The following SDK2 variants were observed in gnomAD, a reference collection of about 807,000 sequenced individuals.
SDK2 encodes the protein protein sidekick-2.
Under a neutral mutation model 253.9 loss-of-function variants are expected in SDK2, and 105 were observed. The observed-to-expected ratio is 0.41, with a 90% CI of 0.35 to 0.49. SDK2 has a LOEUF of 0.49. SDK2 is among the 20% of genes least tolerant of loss of function. The probability of loss-of-function intolerance (pLI) is 0.06; values close to 1 mark genes in which losing one functional copy is unlikely to be tolerated. For synonymous variants in SDK2, 1,249 were observed against 1,234.9 expected (o/e 1.01, Z -0.24); for missense variants, 2,608 against 3,003.0 (o/e 0.87, Z 3.07).
intron 1 of SDK2, among the ~76,000 whole-genome samples, chr17:73,522,045 G>A (rs948912669): frequency 1.3e-5 from 2 of 152,226 alleles, no homozygotes; most frequent in African/African-American, 2.4e-5. Flanking sequence ...CTGAGGCTTG[G>A]AGAGTTGAGT....
intron 1 of SDK2, among the ~76,000 whole-genome samples, chr17:73,634,925 G>C (rs2046311786): frequency 6.6e-6 from 1 of 151,984 alleles, no homozygotes; most frequent in African/African-American, 2.4e-5. Context: ...CTCATCCAAG[G>C]TCACCCAGGC....
In SDK2 at chr17:73,459,690, G is replaced by A. The variant is rs541712671; in HGVS notation, c.332-3637C>T. Among the ~76,000 whole-genome samples, 311 of 152,028 alleles carry A rather than the reference G, an allele frequency of 2.0e-3. 2 individuals are homozygous for A. The highest frequency in any genetic ancestry group is 7.2e-3 in the African/African-American group (300 of 41,424). On this transcript the variant is annotated intron_variant, in intron 3 of 44. Coordinates refer to ENST00000392650, the MANE Select transcript of SDK2 (RefSeq NM_001144952.2). ...CATTACTCATTAGCCATGATGCTGG[G>A]TAGATTTCTTTCTTTTTTTTTTTTG...
intron 36 of SDK2, among the ~76,000 whole-genome samples, chr17:73,368,855 C>CA (rs1340772107): frequency 2.0e-5 from 3 of 151,880 alleles, no homozygotes; most frequent in Non-Finnish European, 4.4e-5. Flanking sequence ...ACTGGAAATA[C>CA]AAAAAAATCA....
Position 73,431,934 on chromosome 17 carries a change from C to G in SDK2, c.1313-265G>C, listed in dbSNP as rs867969339. 2.0e-5 allele frequency among the ~76,000 whole-genome samples: 3 copies of G among 152,184 alleles called. No individual in the cohort carries two copies. The highest frequency in any genetic ancestry group is 7.2e-5 in the African/African-American group (3 of 41,456). On this transcript the variant is annotated intron_variant, in intron 10 of 44. Transcript: ENST00000392650. The surrounding 1 kb of genome is among the most constrained non-coding windows in gnomAD (Gnocchi z 5.6). ...CCTGATGCTCCTGTGCCCGCCACAC[C>G]ACGTGCCCTTCAACAGAGAAGGGGG...
At position 73,609,973 on chromosome 17, in the gene SDK2, C is replaced by T. The variant is rs931867392; in HGVS notation, c.64+34052G>A. Among the ~76,000 whole-genome samples, 8 of 152,328 alleles carry T rather than the reference C, an allele frequency of 5.3e-5. No individual in the cohort carries two copies. In the South Asian group the frequency reaches 6.2e-4, roughly 12 times the overall value. On this transcript the variant is annotated intron_variant, in intron 1 of 44. Coordinates refer to ENST00000392650, the MANE Select transcript of SDK2 (RefSeq NM_001144952.2). This position sits in a 1 kb window ranked among gnomAD's most constrained non-coding sequence, Gnocchi z 4.4. ...TGCGGAGCTCAGCCAGGCAGCTGCA[C>T]GGGAAACAGGTGTCCTGCTGAACAA...
chr17:73,413,125 C>T (rs930300311), intron 18 of SDK2, among the ~76,000 whole-genome samples: 8 of 152,140 alleles, frequency 5.3e-5, no homozygotes, highest in African/African-American at 1.7e-4. Flanking sequence ...TTCATCTGTA[C>T]TTACAGCTGC....
intron 1 of SDK2, among the ~76,000 whole-genome samples, chr17:73,606,900 T>G (rs943045728): frequency 3.3e-5 from 5 of 152,110 alleles, no homozygotes; most frequent in Non-Finnish European, 7.4e-5. Flanking sequence ...GTGGAGCAGC[T>G]CAGTCAATGA....
intron 37 of SDK2, 134 bp from the exon 38 acceptor site, chr17:73,365,529 G>T: frequency 1.1e-6 from 1 of 888,154 alleles, no homozygotes; most frequent in Non-Finnish European, 1.6e-6. Context: ...CGGCAGAAAG[G>T]GCGGGCAGGA....
At chr17:73,411,635 G>A (rs1046389778) in intron 18 of SDK2, among the ~76,000 whole-genome samples, 5 of 152,238 alleles carry the variant, frequency 3.3e-5, no homozygotes, top group African/African-American at 4.8e-5. Context: ...AGTCCTCCGT[G>A]GGGAGGACAG....
Position 73,383,970 on chromosome 17 carries a change from G to C in SDK2, c.4611C>G (p.Phe1537Leu). Residue 1537 changes from phenylalanine to leucine, a missense_variant, in exon 33 of 45, where the codon TTC becomes TTG. Around this residue, in one of 2 missense-constraint regions of SDK2, gnomAD observed 1,103 missense variants for 1,143.9 expected, o/e 0.96. Transcript: ENST00000392650. The surrounding 1 kb of genome is among the most constrained non-coding windows in gnomAD (Gnocchi z 4.3). ...EDKINGILLG[F>L]RIRYRELLYE... is the part of the protein sequence containing the mutation. ...AGAGCAGCTCCCGGTATCGGATCCG[G>C]AAGCCCAGGAGGATGCCATTGATCT... is the stretch of plus-strand genomic sequence containing the variant. 1 of 1,613,898 alleles carries C rather than the reference G, an allele frequency of 6.2e-7. No homozygotes were observed. The highest frequency in any genetic ancestry group is 8.5e-7 in the Non-Finnish European group (1 of 1,179,876).
intron 12 of SDK2, among the ~76,000 whole-genome samples, chr17:73,428,353 G>A (rs78834970): frequency 0.052 from 7,890 of 152,140 alleles, 301 homozygotes; most frequent in Middle Eastern, 0.085. Flanking sequence ...CGTGAGGCAC[G>A]GCGCCTGGCC....
intron 3 of SDK2, among the ~76,000 whole-genome samples, chr17:73,470,274 T>C (rs2063639407): frequency 6.6e-6 from 1 of 150,716 alleles, no homozygotes. Context: ...CAAGCACACA[T>C]GCATGCATGC....
chr17:73,470,140 A>G (rs2063637934), intron 3 of SDK2, among the ~76,000 whole-genome samples: 1 of 152,078 alleles, frequency 6.6e-6, no homozygotes, highest in African/African-American at 2.4e-5. Context: ...CACATACTCA[A>G]ATGCACACAC....
chr17:73,431,654 G>T lies in SDK2; in HGVS notation c.1328C>A (p.Ala443Asp), dbSNP rs1381259130. 1.2e-6 allele frequency: 2 copies of T among 1,609,728 alleles called. No individual in the cohort carries two copies. Among genetic ancestry groups the T allele is most frequent in the Non-Finnish European group, 1.7e-6 (2 of 1,177,988 alleles). Residue 443 changes from alanine (A) to aspartate (D), a missense_variant, in exon 11 of 45, where the codon GCC becomes GAC. By Grantham distance (126) the Ala-to-Asp change is moderately radical (BLOSUM62 -2). This residue lies in a region of SDK2 where 1,505 missense variants were observed against 1,859.1 expected (regional missense o/e 0.81). Coordinates refer to ENST00000392650, the MANE Select transcript of SDK2 (RefSeq NM_001144952.2). This position sits in a 1 kb window ranked among gnomAD's most constrained non-coding sequence, Gnocchi z 5.6. ...ITWQKGERIL[A>D]SGSVQLPRFT... ...GCGAGGCAGCTGCACAGAGCCACTG[G>T]CCAAGATGCGCTCCCCTGAGGGCAA...
At chr17:73,640,034 C>G (rs1434700645) in intron 1 of SDK2, among the ~76,000 whole-genome samples, 1 of 152,178 alleles carries the variant, frequency 6.6e-6, no homozygotes, top group Admixed American at 6.5e-5. Flanking sequence ...TCCTGTGGTA[C>G]AAAGTCAAAT....
At chr17:73,544,313 C>G (rs1016518611) in intron 1 of SDK2, among the ~76,000 whole-genome samples, 2 of 152,198 alleles carry the variant, frequency 1.3e-5, no homozygotes, top group African/African-American at 4.8e-5. Flanking sequence ...CCATGTTGTT[C>G]TCATAGTTCC....
chr17:73,426,079 C>G (rs922742969), intron 12 of SDK2, among the ~76,000 whole-genome samples: 6 of 151,820 alleles, frequency 4.0e-5, no homozygotes, highest in Non-Finnish European at 8.8e-5. Context: ...GAATCTCACT[C>G]TGTTGCCCAG....
At chr17:73,559,599 C>CA in intron 1 of SDK2, among the ~76,000 whole-genome samples, 1 of 64,068 alleles carries the variant, frequency 1.6e-5, no homozygotes, top group African/African-American at 7.0e-5. Context: ...GCTCCCTGTG[C>CA]CCCCCGCCCC....
In SDK2 at chr17:73,394,223, C is replaced by G; in HGVS notation, c.3694G>C (p.Val1232Leu). ...CCGGGACTCACCTTATAGCCCAGCACGAGCCCGTTGCGATCAGCCTCGGGG... is the reference window on the plus strand; with the variant it reads ...CCGGGACTCACCTTATAGCCCAGCAGGAGCCCGTTGCGATCAGCCTCGGGG... ...EVPEADRNGL[V>L]LGYKVMYKEK... The change falls in exon 26 of 45, where the codon GTG becomes CTG. Residue 1232 changes from valine (V) to leucine (L), a missense_variant. Physicochemically the swap from Val to Leu is conservative, Grantham distance 32. Transcript: ENST00000392650. 6.3e-7 allele frequency: 1 copy of G among 1,579,956 alleles called. No individual in the cohort carries two copies. Among genetic ancestry groups the G allele is most frequent in the Non-Finnish European group, 8.6e-7 (1 of 1,159,344 alleles).
Sources: allele counts gnomAD v4.1 joint callset (sites outside exome capture counted in the v4.1 genomes callset), GRCh38; gene constraint gnomAD v4.1.1; regional missense constraint gnomAD v4.1.1; non-coding constraint Gnocchi (gnomAD v3.1); transcripts MANE v1.5; gene names NCBI Gene and HGNC (gene_info 2026-07-23, HGNC 2026-07-21).